PRH1: variants seen among roughly 807,000 people sequenced by gnomAD.
PRH1 encodes salivary acidic proline-rich phosphoprotein 1/2.
A neutral mutation model predicts 7.9 loss-of-function variants in PRH1; 7 were observed. That is an observed-to-expected ratio of 0.89 (90% CI 0.50 to 1.67). The LOEUF (loss-of-function observed/expected upper bound fraction) is 1.67, where lower values mean the gene tolerates loss of function less well. Among genes scored for constraint, PRH1 ranks in the 40% most tolerant of loss-of-function variants. The pLI is 0.00. For synonymous variants in PRH1, 45 were observed against 80.8 expected, an observed-to-expected ratio of 0.56 and a Z score of 2.38; for missense variants, 109 against 223.6, an observed-to-expected ratio of 0.49 and a Z score of 3.27.
At chr12:11,097,558 G>A (rs1307616972) in intron 1 of PRH1, among the ~76,000 whole-genome samples, 1 of 115,236 alleles carries the variant, frequency 8.7e-6, no homozygotes, top group Non-Finnish European at 2.1e-5. Flanking sequence ...CTTAAGCAAT[G>A]TACTGTAAAA....
chr12:11,050,031 G>C (rs1291472175), upstream of PRH1, among the ~76,000 whole-genome samples: 9 of 152,192 alleles, frequency 5.9e-5, no homozygotes, highest in Non-Finnish European at 1.3e-4. Context: ...ACTCAGGGTT[G>C]TCAGACAATG....
intron 1 of PRH1, among the ~76,000 whole-genome samples, chr12:11,056,235 T>C (rs1301749048): frequency 6.6e-6 from 1 of 152,280 alleles, no homozygotes; most frequent in Admixed American, 6.5e-5. Flanking sequence ...AACTATTCCT[T>C]GGGCACTTAA....
At chr12:10,910,523 T>A (rs374846217) in intron 2 of PRH1, among the ~76,000 whole-genome samples, 4 of 152,208 alleles carry the variant, frequency 2.6e-5, no homozygotes. Flanking sequence ...GTGGTGTCTC[T>A]CACTCTCTCA....
intron 1 of PRH1, among the ~76,000 whole-genome samples, chr12:11,011,681 A>G (rs532638803): frequency 1.4e-4 from 22 of 152,244 alleles, no homozygotes; most frequent in Middle Eastern, 3.4e-3. Flanking sequence ...TATTTTTTCA[A>G]TGTCAGATTT....
chr12:11,030,981 G>A (rs746779083), intron 1 of PRH1: 2 of 1,614,272 alleles, frequency 1.2e-6, no homozygotes, highest in Admixed American at 1.7e-5. Context: ...TTTAAGTGAA[G>A]AAAAATAAGG....
chr12:11,054,210 T>C (rs1343837156), intron 1 of PRH1, among the ~76,000 whole-genome samples: 1 of 152,048 alleles, frequency 6.6e-6, no homozygotes, highest in Non-Finnish European at 1.5e-5. Context: ...ATATTTCTAA[T>C]GATTTGCAAG....
chr12:11,110,128 T>G (rs772865720), intron 1 of PRH1, among the ~76,000 whole-genome samples: 1 of 151,918 alleles, frequency 6.6e-6, no homozygotes, highest in Non-Finnish European at 1.5e-5. Context: ...GAAAAAAGAA[T>G]GAAAAGGAAC....
intron 1 of PRH1, among the ~76,000 whole-genome samples, chr12:10,883,879 C>T (rs1252003032): frequency 2.0e-5 from 3 of 152,202 alleles, no homozygotes; most frequent in African/African-American, 7.2e-5. Context: ...GCATTCTCCA[C>T]ATCCTTCACA....
At position 10,947,656 on chromosome 12, in the gene PRH1, A is replaced by T. The variant is rs191057447; in HGVS notation, c.-59+25999T>A. ...TCAAGATTAATATTGATATGTGTGGATTTGATCCTGTCATTGTGCTGTTAG... is the reference window on the plus strand; with the variant it reads ...TCAAGATTAATATTGATATGTGTGGTTTTGATCCTGTCATTGTGCTGTTAG... On this transcript the variant is annotated intron_variant, in intron 2 of 3. Coordinates refer to the PRH1 transcript ENST00000539853. 2.0e-3 allele frequency among the ~76,000 whole-genome samples: 298 copies of T among 152,038 alleles called. 10 individuals are homozygous for T. Among genetic ancestry groups the T allele is most frequent in the Admixed American group, 0.019 (289 of 15,286 alleles).
At chr12:10,986,386 C>T (rs759136972) in intron 1 of PRH1, 4 of 1,613,922 alleles carry the variant, frequency 2.5e-6, no homozygotes, top group Non-Finnish European at 3.4e-6. Flanking sequence ...ATGTTTCCTT[C>T]ATATTCTTCT....
chr12:11,058,689 GGCATA>G (rs1353386187), intron 1 of PRH1, among the ~76,000 whole-genome samples: 1 of 151,504 alleles, frequency 6.6e-6, no homozygotes. Context: ...AGCTGTTAGA[GGCATA>G]CATAGTGGGC....
chr12:10,994,593 A>G (rs1940118187), intron 1 of PRH1, among the ~76,000 whole-genome samples: 1 of 151,878 alleles, frequency 6.6e-6, no homozygotes, highest in African/African-American at 2.4e-5. Context: ...TCTGCAGTGG[A>G]CCTCCTTCCA....
At chr12:10,938,785 C>T in intron 2 of PRH1, 1 of 1,613,408 alleles carries the variant, frequency 6.2e-7, no homozygotes. Flanking sequence ...TATTTAAAAA[C>T]AAGAAGACCG....
chr12:11,156,863 T>C (rs949424278), intron 1 of PRH1, among the ~76,000 whole-genome samples: 2 of 127,664 alleles, frequency 1.6e-5, no homozygotes, highest in Non-Finnish European at 3.5e-5. Context: ...TTTTTTTTTT[T>C]TAGACGCAGG....
intron 1 of PRH1, among the ~76,000 whole-genome samples, chr12:11,044,595 G>GA (rs900547788): frequency 3.4e-4 from 51 of 148,746 alleles, no homozygotes; most frequent in Middle Eastern, 3.4e-3. Flanking sequence ...AACTGTATAG[G>GA]AAAAAAAAAA....
In PRH1 at chr12:11,170,906, CTAATAT is replaced by C. The variant is rs145065565; in HGVS notation, n.39+510_39+515del. Reference sequence around the variant, plus strand: ...TTATTGGCGTAGGAATCATCTTGCCCTAATATTAATATTATGAAATCAAAAGGGTAA... The same window carrying C: ...TTATTGGCGTAGGAATCATCTTGCCCTAATATTATGAAATCAAAAGGGTAA... On this transcript the variant is annotated intron_variant and non_coding_transcript_variant, in intron 1 of 1. Transcript: ENST00000541175. 9.5e-3 allele frequency among the ~76,000 whole-genome samples: 1,453 copies of C among 152,240 alleles called. 21 individuals carry two copies. Among genetic ancestry groups the C allele is most frequent in the African/African-American group, 0.032 (1,341 of 41,510 alleles).
intron 1 of PRH1, chr12:11,061,770 T>A (rs991458295): frequency 6.2e-7 from 1 of 1,614,136 alleles, no homozygotes; most frequent in South Asian, 1.1e-5. Flanking sequence ...CCGTTGTATT[T>A]GAAAGGTACA....
intron 2 of PRH1, among the ~76,000 whole-genome samples, chr12:10,971,113 A>T (rs1358292998): frequency 2.0e-5 from 3 of 152,216 alleles, no homozygotes; most frequent in Non-Finnish European, 4.4e-5. Context: ...TGTTTACCAC[A>T]TCTTGGTCAA....
chr12:10,953,237 C>T (rs958928105), intron 2 of PRH1, among the ~76,000 whole-genome samples: 5 of 152,090 alleles, frequency 3.3e-5, no homozygotes, highest in East Asian at 1.9e-4. Flanking sequence ...ATCTTCTTAC[C>T]TCCAAATGAC....
Sources: gnomAD v4.1 joint callset for allele counts (sites outside exome capture counted in the v4.1 genomes callset) on GRCh38, gnomAD v4.1.1 for gene constraint, MANE v1.5 for transcripts, NCBI Gene and HGNC (gene_info 2026-07-23, HGNC 2026-07-21) for gene names.